Variants in CYSTM1 observed in about 807,000 individuals in gnomAD.
CYSTM1 encodes cysteine rich transmembrane module containing 1.
CYSTM1 carries 4 observed loss-of-function variants against 13.1 expected under a neutral mutation model. The ratio of observed to expected loss-of-function variants is 0.31; its 90% confidence interval spans 0.15 to 0.70. The LOEUF is 0.70. Ranked by LOEUF, CYSTM1 falls within the 30% of genes least tolerant of loss-of-function variation. The probability of loss-of-function intolerance (pLI) is 0.72; values close to 1 mark genes in which losing one functional copy is unlikely to be tolerated. For synonymous variants in CYSTM1, 36 were observed against 42.7 expected (o/e 0.84, Z 0.62); for missense variants, 96 against 121.6 (o/e 0.79, Z 0.99).
Position 140,175,366 on chromosome 5 carries a change from C to T in CYSTM1, c.-21+81C>T, listed in dbSNP as rs542036498. On this transcript the variant is annotated intron_variant, in intron 1 of 2. Coordinates refer to ENST00000261811, the MANE Select transcript of CYSTM1 (RefSeq NM_032412.4). The surrounding 1 kb of genome is among the most constrained non-coding windows in gnomAD (Gnocchi z 4.9). ...CGGACAGGGCGCGTCCCCGGGCTCC[C>T]TGGGGAGCGCCCTGAGAACTGGGGG... 6.6e-6 allele frequency: 1 copy of T among 152,624 alleles called. No homozygotes were observed. Among genetic ancestry groups the T allele is most frequent in the East Asian group, 1.9e-4 (1 of 5,162 alleles). 9.5% of individuals were successfully genotyped at this position (152,624 alleles called of 1,614,324 possible).
chr5:140,236,786 C>T (rs1428004664), intron 2 of CYSTM1, among the ~76,000 whole-genome samples: 1 of 152,200 alleles, frequency 6.6e-6, no homozygotes, highest in African/African-American at 2.4e-5. Flanking sequence ...AAGTTGGTGG[C>T]AGGGACATGG....
intron 2 of CYSTM1, among the ~76,000 whole-genome samples, chr5:140,234,656 G>C (rs1361641517): frequency 6.6e-6 from 1 of 152,120 alleles, no homozygotes; most frequent in Non-Finnish European, 1.5e-5. Flanking sequence ...CAGTAAATGA[G>C]GTATACTATT....
chr5:140,190,514 C>G (rs1581059894), intron 1 of CYSTM1, among the ~76,000 whole-genome samples: 1 of 152,146 alleles, frequency 6.6e-6, no homozygotes, highest in South Asian at 2.1e-4. Flanking sequence ...TGGGACTGTT[C>G]AGTTTTCCAG....
At chr5:140,208,399 T>C (rs899855618) in intron 2 of CYSTM1, among the ~76,000 whole-genome samples, 2 of 152,178 alleles carry the variant, frequency 1.3e-5, no homozygotes, top group African/African-American at 4.8e-5. Context: ...ACAATTGAAC[T>C]CATGGAGATA....
chr5:140,191,761 A>G (rs374119177), intron 1 of CYSTM1, among the ~76,000 whole-genome samples: 4 of 152,324 alleles, frequency 2.6e-5, no homozygotes, highest in South Asian at 2.1e-4. Context: ...GGACAGAAAT[A>G]GTTATGATAA....
chr5:140,200,000 T>C (rs956935640), intron 2 of CYSTM1, among the ~76,000 whole-genome samples: 16 of 152,230 alleles, frequency 1.1e-4, no homozygotes, highest in African/African-American at 3.9e-4. Context: ...TTAAGTTCCT[T>C]GTAGATTGTG....
intron 2 of CYSTM1, among the ~76,000 whole-genome samples, chr5:140,232,367 G>GT (rs1246473522): frequency 6.6e-6 from 1 of 152,174 alleles, no homozygotes; most frequent in Admixed American, 6.5e-5. Context: ...GTGGCCGTGA[G>GT]TAAGATCAAC....
chr5:140,240,179 C>A (rs1034543913), intron 2 of CYSTM1, among the ~76,000 whole-genome samples: 2 of 152,080 alleles, frequency 1.3e-5, no homozygotes, highest in South Asian at 2.1e-4. Context: ...AGCACCCCCC[C>A]ACTGCTCTTT....
At chr5:140,242,048 G>A (rs1229306866) in intron 2 of CYSTM1, among the ~76,000 whole-genome samples, 1 of 152,190 alleles carries the variant, frequency 6.6e-6, no homozygotes, top group Non-Finnish European at 1.5e-5. Context: ...CTACCTCAGG[G>A]TTGCTGTGAA....
chr5:140,229,671 ATTTAT>A (rs1047814353), intron 2 of CYSTM1, among the ~76,000 whole-genome samples: 9 of 148,838 alleles, frequency 6.0e-5, no homozygotes, highest in Admixed American at 2.7e-4. Context: ...AGTCCACCTG[ATTTAT>A]TTATTTATCT....
At chr5:140,226,766 CAAA>C (rs774732902) in intron 2 of CYSTM1, among the ~76,000 whole-genome samples, 2 of 117,466 alleles carry the variant, frequency 1.7e-5, no homozygotes, top group East Asian at 2.4e-4. Flanking sequence ...TACTCTGTCT[CAAA>C]AAAAAAAAAA....
intron 2 of CYSTM1, among the ~76,000 whole-genome samples, chr5:140,240,037 G>A (rs946270208): frequency 6.6e-6 from 1 of 152,030 alleles, no homozygotes; most frequent in Admixed American, 6.6e-5. Flanking sequence ...TCCCTAGACT[G>A]GCCACAGGGG....
At chr5:140,241,169 T>C (rs924845510) in intron 2 of CYSTM1, among the ~76,000 whole-genome samples, 1 of 152,228 alleles carries the variant, frequency 6.6e-6, no homozygotes, top group Non-Finnish European at 1.5e-5. Context: ...ACGAACCTGA[T>C]TAAACTGGAG....
intron 2 of CYSTM1, among the ~76,000 whole-genome samples, chr5:140,214,374 C>T (rs1764404622): frequency 6.6e-6 from 1 of 152,190 alleles, no homozygotes; most frequent in African/African-American, 2.4e-5. Flanking sequence ...CCTCGGTTTG[C>T]CTAGCACTCA....
chr5:140,228,163 G>C (rs915656406), intron 2 of CYSTM1, among the ~76,000 whole-genome samples: 1 of 152,102 alleles, frequency 6.6e-6, no homozygotes, highest in African/African-American at 2.4e-5. Context: ...ATCCCTGAAC[G>C]CTGGGACAAT....
chr5:140,188,833 T>A (rs970447358), intron 1 of CYSTM1, among the ~76,000 whole-genome samples: 3 of 151,454 alleles, frequency 2.0e-5, no homozygotes, highest in African/African-American at 7.3e-5. Flanking sequence ...TGCCCACAAT[T>A]CCAGCACCCA....
At chr5:140,224,034 G>A (rs533274547) in intron 2 of CYSTM1, among the ~76,000 whole-genome samples, 2 of 152,356 alleles carry the variant, frequency 1.3e-5, no homozygotes, top group South Asian at 4.1e-4. Flanking sequence ...GTCTCAGGTG[G>A]AGGCAGGGTG....
At chr5:140,181,522 C>T (rs1030892387) in intron 1 of CYSTM1, among the ~76,000 whole-genome samples, 1 of 152,242 alleles carries the variant, frequency 6.6e-6, no homozygotes, top group Admixed American at 6.5e-5. Context: ...TAGGGACAAT[C>T]TGCCAGACTG....
chr5:140,240,768 G>A (rs551511413), intron 2 of CYSTM1, among the ~76,000 whole-genome samples: 1 of 152,212 alleles, frequency 6.6e-6, no homozygotes, highest in Admixed American at 6.5e-5. Context: ...AGAACTGTGA[G>A]GGCTGCCTTG....
Sources: gnomAD v4.1 joint callset for allele counts (sites outside exome capture counted in the v4.1 genomes callset) on GRCh38, gnomAD v4.1.1 for gene constraint, Gnocchi (gnomAD v3.1) non-coding constraint, MANE v1.5 for transcripts, NCBI Gene and HGNC (gene_info 2026-07-23, HGNC 2026-07-21) for gene names.